The following GPHN variants were observed in gnomAD, a reference collection of about 807,000 sequenced individuals.
GPHN encodes the protein gephyrin.
A neutral mutation model predicts 95.5 loss-of-function variants in GPHN; 17 were observed. The observed-to-expected ratio is 0.18, with a 90% CI of 0.12 to 0.27. The LOEUF is 0.27. Among genes scored for constraint, GPHN ranks in the 10% least tolerant of loss-of-function variants. The probability of loss-of-function intolerance (pLI) is 1.00; values close to 1 mark genes in which losing one functional copy is unlikely to be tolerated. For synonymous variants in GPHN, 320 were observed against 322.5 expected, an observed-to-expected ratio of 0.99 and a Z score of 0.08; for missense variants, 660 against 978.1, an observed-to-expected ratio of 0.67 and a Z score of 4.34.
At chr14:67,659,746 T>C in the GPHN span, 2 of 1,611,136 alleles carry the variant, frequency 1.2e-6, no homozygotes, top group African/African-American at 1.3e-5. Flanking sequence ...GCTCATTCTC[T>C]ACAGCATATA....
At chr14:66,902,619 A>T (rs1205897837) in intron 5 of GPHN, among the ~76,000 whole-genome samples, 3 of 152,098 alleles carry the variant, frequency 2.0e-5, no homozygotes, top group African/African-American at 7.2e-5. Flanking sequence ...CATATATTGA[A>T]ATAATCATAG....
At chr14:66,944,271 A>G (rs2153574829) in intron 8 of GPHN, among the ~76,000 whole-genome samples, 1 of 152,356 alleles carries the variant, frequency 6.6e-6, no homozygotes, top group East Asian at 1.9e-4. Context: ...ATGGAGGGGA[A>G]GAGAATCAAT....
chr14:66,842,999 C>T (rs2062158946), intron 4 of GPHN, among the ~76,000 whole-genome samples: 1 of 152,000 alleles, frequency 6.6e-6, no homozygotes, highest in South Asian at 2.1e-4. Context: ...CAGGGGACTG[C>T]CTCACTCTCA....
the GPHN span, chr14:67,303,488 A>C: frequency 6.5e-7 from 1 of 1,529,070 alleles, no homozygotes; most frequent in African/African-American, 1.4e-5. Context: ...TCATAAATGC[A>C]AATTTAAAAA....
chr14:66,723,982 T>TACGC (rs1555391097), intron 2 of GPHN, among the ~76,000 whole-genome samples: 12 of 143,244 alleles, frequency 8.4e-5, no homozygotes, highest in African/African-American at 3.1e-4. Flanking sequence ...ATGTCATGCA[T>TACGC]ACATACACAC....
chr14:66,696,152 A>G (rs1024129484), intron 2 of GPHN, among the ~76,000 whole-genome samples: 1 of 152,214 alleles, frequency 6.6e-6, no homozygotes, highest in Non-Finnish European at 1.5e-5. Context: ...TCACTTCCTA[A>G]AGATGCTATG....
At chr14:67,072,004 T>C (rs2076330695) in intron 11 of GPHN, among the ~76,000 whole-genome samples, 1 of 152,140 alleles carries the variant, frequency 6.6e-6, no homozygotes, top group Non-Finnish European at 1.5e-5. Flanking sequence ...AGTCTTTAGA[T>C]ATGATTCTTA....
chr14:66,688,742 A>G (rs1446413354), intron 2 of GPHN, among the ~76,000 whole-genome samples: 3 of 152,196 alleles, frequency 2.0e-5, no homozygotes, highest in Non-Finnish European at 4.4e-5. Flanking sequence ...GTGTTGAATG[A>G]AAGTTGTGAA....
chr14:67,642,409 T>TTA, the GPHN span: 1 of 1,591,392 alleles, frequency 6.3e-7, no homozygotes, highest in Non-Finnish European at 8.6e-7. Flanking sequence ...TACATGGTGC[T>TTA]TGGGGCTCAT....
chr14:67,579,769 C>T, the GPHN span: 1 of 1,612,900 alleles, frequency 6.2e-7, no homozygotes, highest in Non-Finnish European at 8.5e-7. Flanking sequence ...CCTCCAGCGG[C>T]TGAACCAGGA....
At chr14:67,725,226 C>T in the GPHN span, 1 of 1,613,700 alleles carries the variant, frequency 6.2e-7, no homozygotes, top group Non-Finnish European at 8.5e-7. Flanking sequence ...CCAAATCTAT[C>T]CGAGCCTTTG....
chr14:67,238,695 G>C, the GPHN span, among the ~76,000 whole-genome samples: 1 of 151,952 alleles, frequency 6.6e-6, no homozygotes, highest in Non-Finnish European at 1.5e-5. Context: ...CCAGGCTGGA[G>C]TGCAGTGGTG....
chr14:66,813,946 C>A (rs2060861666), intron 3 of GPHN, among the ~76,000 whole-genome samples: 1 of 152,142 alleles, frequency 6.6e-6, no homozygotes. Flanking sequence ...GATGAGGCAT[C>A]CCTATGGCCA....
At chr14:67,052,270 C>T (rs1361755850) in intron 10 of GPHN, among the ~76,000 whole-genome samples, 1 of 150,748 alleles carries the variant, frequency 6.6e-6, no homozygotes, top group East Asian at 1.9e-4. Context: ...GAAATTTTAC[C>T]AAGCAAATAG....
the GPHN span, chr14:67,472,836 C>T: frequency 1.9e-5 from 3 of 158,836 alleles, no homozygotes; most frequent in South Asian, 3.8e-4. Flanking sequence ...AAGGGAGCAG[C>T]GCAGGGCCCT....
chr14:67,712,746 G>T, the GPHN span, among the ~76,000 whole-genome samples: 6 of 152,246 alleles, frequency 3.9e-5, no homozygotes, highest in Admixed American at 3.9e-4. Flanking sequence ...AACCTAGGCT[G>T]TTGTGATAGG....
the GPHN span, among the ~76,000 whole-genome samples, chr14:67,546,167 T>C: frequency 1.3e-4 from 20 of 152,190 alleles, no homozygotes; most frequent in Non-Finnish European, 1.9e-4. Context: ...GGTAAAAATA[T>C]AAAAACAACC....
chr14:66,758,636 G>C (rs933321259), intron 2 of GPHN, among the ~76,000 whole-genome samples: 1 of 152,304 alleles, frequency 6.6e-6, no homozygotes, highest in African/African-American at 2.4e-5. Flanking sequence ...ACCATGCCAG[G>C]ATAACTGGTG....
At chr14:66,813,754 A>T (rs767537516) in intron 3 of GPHN, among the ~76,000 whole-genome samples, 22 of 152,144 alleles carry the variant, frequency 1.4e-4, no homozygotes, top group Non-Finnish European at 2.9e-4. Flanking sequence ...GTTGGACCTG[A>T]TCTGTCCAGG....
Sources: gnomAD v4.1 joint callset for allele counts (sites outside exome capture counted in the v4.1 genomes callset) on GRCh38, gnomAD v4.1.1 for gene constraint, MANE v1.5 for transcripts, NCBI Gene and HGNC (gene_info 2026-07-23, HGNC 2026-07-21) for gene names.